CFTR: variants seen among roughly 807,000 people sequenced by gnomAD.
CFTR encodes the protein cystic fibrosis transmembrane conductance regulator.
CFTR carries 181 observed loss-of-function variants against 171.6 expected under a neutral mutation model. The observed-to-expected ratio is 1.05, with a 90% confidence interval of 0.93 to 1.19. The LOEUF is 1.19. CFTR is among the 50% of genes most tolerant of loss of function. The probability of loss-of-function intolerance (pLI) is 0.00; values close to 1 mark genes in which losing one functional copy is unlikely to be tolerated. For synonymous variants in CFTR, 583 were observed against 608.0 expected (o/e 0.96, Z 0.60); for missense variants, 1,968 against 1,734.7 (o/e 1.13, Z -2.39).
At chr7:117,557,855 T>C (rs1200028973) in intron 10 of CFTR, among the ~76,000 whole-genome samples, 2 of 152,186 alleles carry the variant, frequency 1.3e-5, no homozygotes, top group Non-Finnish European at 2.9e-5. Flanking sequence ...AACTGACTTA[T>C]ATACTTTTAT....
chr7:117,543,637 G>T (rs1211212325), intron 9 of CFTR, among the ~76,000 whole-genome samples: 2 of 152,154 alleles, frequency 1.3e-5, no homozygotes, highest in East Asian at 3.9e-4. Flanking sequence ...ACTTGGCTCA[G>T]CTCACACAAC....
At chr7:117,636,099 T>C (rs1026404587) in intron 22 of CFTR, among the ~76,000 whole-genome samples, 2 of 152,192 alleles carry the variant, frequency 1.3e-5, no homozygotes, top group Admixed American at 6.5e-5. Flanking sequence ...AGAGACTTTA[T>C]TTCTTCTTGA....
intron 3 of CFTR, among the ~76,000 whole-genome samples, chr7:117,524,840 A>T (rs1431639769): frequency 6.6e-6 from 1 of 152,236 alleles, no homozygotes; most frequent in Admixed American, 6.5e-5. Flanking sequence ...TTATACAAGT[A>T]TCAATAGGGA....
intron 1 of CFTR, among the ~76,000 whole-genome samples, chr7:117,486,907 G>A (rs1221064207): frequency 6.7e-6 from 1 of 150,190 alleles, no homozygotes; most frequent in Non-Finnish European, 1.5e-5. Context: ...GAGAGAGAGA[G>A]AGAGAGAGAG....
intron 3 of CFTR, among the ~76,000 whole-genome samples, chr7:117,524,392 GAA>G (rs541815578): frequency 8.8e-5 from 10 of 113,132 alleles, no homozygotes; most frequent in South Asian, 5.6e-4. Context: ...CACTAGTCAT[GAA>G]AAAAAAAAAA....
chr7:117,509,895 G>A (rs930673142), intron 3 of CFTR, among the ~76,000 whole-genome samples: 3 of 152,090 alleles, frequency 2.0e-5, no homozygotes, highest in African/African-American at 7.2e-5. Flanking sequence ...TATTTGCTTT[G>A]GGGCGTTTAC....
intron 9 of CFTR, among the ~76,000 whole-genome samples, chr7:117,545,227 G>T (rs566684901): frequency 1.3e-5 from 2 of 152,268 alleles, no homozygotes; most frequent in African/African-American, 4.8e-5. Context: ...TCACTATCAC[G>T]AGAATAGGAT....
At chr7:117,657,462 C>A (rs1314281318) in intron 24 of CFTR, among the ~76,000 whole-genome samples, 1 of 152,054 alleles carries the variant, frequency 6.6e-6, no homozygotes, top group African/African-American at 2.4e-5. Flanking sequence ...GATGAGTAAG[C>A]CTGCTAGCAG....
In CFTR at chr7:117,666,987, T is replaced by C. The variant is rs766659587; in HGVS notation, c.4322T>C (p.Ile1441Thr). The change falls in exon 27 of 27, where the codon ATC becomes ACC. Residue 1441 changes from isoleucine to threonine, a missense_variant. Ile to Thr is a moderately conservative substitution (Grantham distance 89). Coordinates refer to ENST00000003084, the MANE Select transcript of CFTR (RefSeq NM_000492.4). ...GAGAGGAGCCTCTTCCGGCAAGCCATCAGCCCCTCCGACAGGGTGAAGCTC... is the reference window on the plus strand; with the variant it reads ...GAGAGGAGCCTCTTCCGGCAAGCCACCAGCCCCTCCGACAGGGTGAAGCTC... ...LNERSLFRQA[I>T]SPSDRVKLFP... 6 of 1,613,934 alleles carry C rather than the reference T, an allele frequency of 3.7e-6. No individual in the cohort carries two copies. The highest frequency in any genetic ancestry group is 1.6e-4 in the Middle Eastern group (1 of 6,062).
chr7:117,647,428 G>A (rs1320575215), intron 23 of CFTR: 1 of 152,142 alleles, frequency 6.6e-6, no homozygotes, highest in Non-Finnish European at 1.5e-5. Flanking sequence ...CATGGTGGAA[G>A]GCAAATAAGA....
chr7:117,600,984 AAAT>A (rs1384661894), intron 15 of CFTR, among the ~76,000 whole-genome samples: 1 of 152,028 alleles, frequency 6.6e-6, no homozygotes, highest in East Asian at 1.9e-4. Context: ...AACCGTGAGG[AAAT>A]AATTTTATAT....
rs533529744 is a variant in CFTR, at chr7:117,639,371, A to T, written c.3718-3067A>T. Among the ~76,000 whole-genome samples, 3 of 152,324 alleles carry T rather than the reference A, an allele frequency of 2.0e-5. No homozygotes were observed. The South Asian group carries it at 6.2e-4, about 32-fold the overall frequency. ...ACTTTTTATCTAAATTGTAATAGCC[A>T]GAGCACCTTCCCACAACTAGAATAT... On this transcript the variant is annotated intron_variant, in intron 22 of 26. Coordinates refer to ENST00000003084, the MANE Select transcript of CFTR (RefSeq NM_000492.4).
intron 1 of CFTR, among the ~76,000 whole-genome samples, chr7:117,498,627 A>G (rs1048065670): frequency 6.6e-6 from 1 of 152,182 alleles, no homozygotes; most frequent in Non-Finnish European, 1.5e-5. Flanking sequence ...TCAAAATGTT[A>G]TTTATGATTT....
intron 17 of CFTR, among the ~76,000 whole-genome samples, chr7:117,605,997 T>C (rs1313709594): frequency 2.0e-5 from 3 of 152,222 alleles, no homozygotes; most frequent in African/African-American, 7.2e-5. Flanking sequence ...GCAAGGAGCA[T>C]GGCTTATTCA....
At chr7:117,534,056 G>A (rs2116674574) in intron 4 of CFTR, among the ~76,000 whole-genome samples, 1 of 152,128 alleles carries the variant, frequency 6.6e-6, no homozygotes, top group Middle Eastern at 3.4e-3. Flanking sequence ...CCTAGATGCT[G>A]GGAAATAAAA....
intron 1 of CFTR, among the ~76,000 whole-genome samples, chr7:117,480,933 G>A (rs1330269235): frequency 3.3e-5 from 5 of 152,176 alleles, no homozygotes; most frequent in Non-Finnish European, 4.4e-5. Flanking sequence ...TATTTGAAGT[G>A]TTCTTTGGAT....
At chr7:117,548,322 TAGG>T (rs1037239331) in intron 9 of CFTR, among the ~76,000 whole-genome samples, 2 of 137,574 alleles carry the variant, frequency 1.5e-5, no homozygotes, top group East Asian at 2.0e-4. Flanking sequence ...ACCCCGCTTA[TAGG>T]AGAAGAGGGT....
chr7:117,647,060 TTGAC>T (rs1181238645), intron 23 of CFTR, among the ~76,000 whole-genome samples: 1 of 152,202 alleles, frequency 6.6e-6, no homozygotes, highest in Non-Finnish European at 1.5e-5. Flanking sequence ...TTAAATATTT[TTGAC>T]TGAGGAATAT....
At chr7:117,566,128 T>A (rs541332109) in intron 11 of CFTR, among the ~76,000 whole-genome samples, 13 of 152,144 alleles carry the variant, frequency 8.5e-5, no homozygotes, top group Admixed American at 6.5e-4. Flanking sequence ...CAAGATATAA[T>A]GGACATCTGA....
Sources: gnomAD v4.1 joint callset for allele counts (sites outside exome capture counted in the v4.1 genomes callset) on GRCh38, gnomAD v4.1.1 for gene constraint, MANE v1.5 for transcripts, NCBI Gene and HGNC (gene_info 2026-07-23, HGNC 2026-07-21) for gene names.